The following SETBP1 variants were observed in gnomAD, a reference collection of about 807,000 sequenced individuals.
The protein encoded by SETBP1 is SET-binding protein.
Under a neutral mutation model 101.0 loss-of-function variants are expected in SETBP1, and 9 were observed. The observed-to-expected ratio is 0.09, with a 90% CI of 0.05 to 0.16. The LOEUF (loss-of-function observed/expected upper bound fraction) is 0.16, where lower values mean the gene tolerates loss of function less well. Among genes scored for constraint, SETBP1 ranks in the 10% least tolerant of loss-of-function variants. The pLI is 1.00. For synonymous variants in SETBP1, 818 were observed against 788.5 expected (o/e 1.04, Z -0.63); for missense variants, 1,858 against 2,033.8 (o/e 0.91, Z 1.66).
At chr18:44,863,022 T>G (rs892375718) in intron 2 of SETBP1, among the ~76,000 whole-genome samples, 2 of 152,248 alleles carry the variant, frequency 1.3e-5, no homozygotes, top group African/African-American at 4.8e-5. Context: ...CCAAGTCCAA[T>G]GCTGTTTTGT....
intron 2 of SETBP1, among the ~76,000 whole-genome samples, chr18:44,723,019 G>A (rs935338147): frequency 2.0e-5 from 3 of 152,184 alleles, no homozygotes; most frequent in Non-Finnish European, 4.4e-5. Flanking sequence ...CATTTAGGCT[G>A]GAGGTTGAAA....
In SETBP1 at chr18:44,996,856, T is replaced by A. The variant is rs188177791; in HGVS notation, c.4001-41629T>A. On this transcript the variant is annotated intron_variant, in intron 4 of 5. Coordinates refer to ENST00000649279, the MANE Select transcript of SETBP1 (RefSeq NM_015559.3). ...GACAAAGGGAAAGAAGGAAAAGATA[T>A]GAGGCTAGTGGAAGAAAAAGGGTAG... Among the ~76,000 whole-genome samples, 19 of 152,192 alleles carry A rather than the reference T, an allele frequency of 1.2e-4. No individual in the cohort carries two copies. In the East Asian group the frequency reaches 3.7e-3, roughly 29 times the overall value.
At chr18:45,048,001 A>G (rs182388323) in intron 5 of SETBP1, among the ~76,000 whole-genome samples, 25 of 152,340 alleles carry the variant, frequency 1.6e-4, no homozygotes, top group African/African-American at 5.5e-4. Flanking sequence ...ACAATAAACT[A>G]CAAGGGACTT....
chr18:44,808,667 T>C (rs1304344286), intron 2 of SETBP1, among the ~76,000 whole-genome samples: 2 of 152,132 alleles, frequency 1.3e-5, no homozygotes, highest in African/African-American at 2.4e-5. Context: ...GGAAGTGCAT[T>C]TGAGAAACCG....
intron 3 of SETBP1, among the ~76,000 whole-genome samples, chr18:44,927,646 G>T (rs1372601222): frequency 2.0e-5 from 3 of 152,142 alleles, no homozygotes; most frequent in Admixed American, 1.3e-4. Context: ...ATCAAAATGT[G>T]GCAGTAACCA....
At chr18:44,960,853 T>C (rs556341180) in intron 4 of SETBP1, among the ~76,000 whole-genome samples, 2 of 152,164 alleles carry the variant, frequency 1.3e-5, no homozygotes, top group Non-Finnish European at 2.9e-5. Flanking sequence ...TTATAACTAA[T>C]CATAAAGGCA....
intron 2 of SETBP1, among the ~76,000 whole-genome samples, chr18:44,821,723 A>G (rs894368312): frequency 6.6e-6 from 1 of 152,228 alleles, no homozygotes; most frequent in Non-Finnish European, 1.5e-5. Flanking sequence ...TGATTCCTTA[A>G]TATCTGTTAT....
At chr18:44,928,253 A>G (rs573397565) in intron 3 of SETBP1, among the ~76,000 whole-genome samples, 2 of 152,350 alleles carry the variant, frequency 1.3e-5, no homozygotes, top group South Asian at 4.1e-4. Flanking sequence ...TACAAAGGAC[A>G]TGAACTCATT....
intron 2 of SETBP1, among the ~76,000 whole-genome samples, chr18:44,703,770 G>C (rs567972415): frequency 4.7e-4 from 72 of 152,230 alleles, no homozygotes; most frequent in African/African-American, 1.7e-3. Context: ...ATACTCTGTC[G>C]TGAAACCAAA....
At chr18:45,018,757 G>A (rs2072999400) in intron 4 of SETBP1, among the ~76,000 whole-genome samples, 2 of 152,202 alleles carry the variant, frequency 1.3e-5, no homozygotes, top group South Asian at 4.1e-4. Flanking sequence ...GGTTAAAGAT[G>A]TATCTGATTG....
intron 2 of SETBP1, among the ~76,000 whole-genome samples, chr18:44,843,658 G>A (rs1178586226): frequency 1.3e-5 from 2 of 152,134 alleles, no homozygotes; most frequent in East Asian, 3.9e-4. Flanking sequence ...CTCTTGGTGG[G>A]TCACATGCCT....
At chr18:45,002,164 C>T (rs1373473240) in intron 4 of SETBP1, among the ~76,000 whole-genome samples, 1 of 152,170 alleles carries the variant, frequency 6.6e-6, no homozygotes, top group Non-Finnish European at 1.5e-5. Flanking sequence ...CACCTTCTAG[C>T]TATGCTGATG....
intron 2 of SETBP1, among the ~76,000 whole-genome samples, chr18:44,768,467 T>G (rs950851553): frequency 1.3e-5 from 2 of 152,188 alleles, no homozygotes; most frequent in African/African-American, 4.8e-5. Flanking sequence ...GTTTTCAGAT[T>G]TCTTTATTCA....
At chr18:45,040,822 A>G (rs1040412225) in intron 5 of SETBP1, among the ~76,000 whole-genome samples, 1 of 152,142 alleles carries the variant, frequency 6.6e-6, no homozygotes, top group Admixed American at 6.5e-5. Flanking sequence ...TGGGCTGTTT[A>G]TTTTTGGCAG....
At chr18:44,861,366 G>T (rs1049611337) in intron 2 of SETBP1, among the ~76,000 whole-genome samples, 11 of 149,872 alleles carry the variant, frequency 7.3e-5, no homozygotes, top group African/African-American at 2.7e-4. Context: ...AGCCTCCCGA[G>T]TAGCTGGAAC....
chr18:44,726,172 T>C (rs1157014936), intron 2 of SETBP1, among the ~76,000 whole-genome samples: 1 of 152,198 alleles, frequency 6.6e-6, no homozygotes, highest in Non-Finnish European at 1.5e-5. Flanking sequence ...TTTTTAAACT[T>C]TAACAACTAA....
In SETBP1 at chr18:44,778,308, C is replaced by G. The variant is rs557990239; in HGVS notation, c.486+76476C>G. On this transcript the variant is annotated intron_variant, in intron 2 of 5. Coordinates refer to ENST00000649279, the MANE Select transcript of SETBP1 (RefSeq NM_015559.3). ...CCTAGGGGGGCCTATTCTCAAAAAC[C>G]TGGAGCTAGAGGGGGGTCACCTAAT... Among the ~76,000 whole-genome samples, 24 of 152,286 alleles carry G rather than the reference C, an allele frequency of 1.6e-4. No homozygotes were observed. The South Asian group carries it at 4.4e-3, about 28-fold the overall frequency.
intron 4 of SETBP1, among the ~76,000 whole-genome samples, chr18:44,966,143 A>G (rs1019672791): frequency 6.6e-6 from 1 of 152,260 alleles, no homozygotes; most frequent in Non-Finnish European, 1.5e-5. Flanking sequence ...CCATAAGTAA[A>G]TGAATAATTG....
chr18:44,811,115 T>G (rs1278932747), intron 2 of SETBP1, among the ~76,000 whole-genome samples: 1 of 152,260 alleles, frequency 6.6e-6, no homozygotes, highest in Non-Finnish European at 1.5e-5. Context: ...TTGCTTATTC[T>G]CCTTGAGTCT....
Sources: allele counts gnomAD v4.1 joint callset (sites outside exome capture counted in the v4.1 genomes callset), GRCh38; gene constraint gnomAD v4.1.1; transcripts MANE v1.5; gene names NCBI Gene and HGNC (gene_info 2026-07-23, HGNC 2026-07-21).